Variants in PREP observed in about 807,000 individuals in gnomAD.
The protein encoded by PREP is prolyl endopeptidase.
PREP carries 29 observed loss-of-function variants against 87.6 expected under a neutral mutation model. The observed-to-expected ratio is 0.33, with a 90% CI of 0.25 to 0.45. The LOEUF (loss-of-function observed/expected upper bound fraction) is 0.45, where lower values mean the gene tolerates loss of function less well. Ranked by LOEUF, PREP falls within the 20% of genes least tolerant of loss-of-function variation. The pLI is 1.00. For missense variants in PREP, 695 were observed against 886.5 expected (o/e 0.78, Z 2.74); for synonymous variants, 337 against 328.6 (o/e 1.03, Z -0.28).
chr6:105,313,482 G>T (rs965291605), intron 10 of PREP, among the ~76,000 whole-genome samples: 14 of 152,188 alleles, frequency 9.2e-5, no homozygotes, highest in African/African-American at 3.4e-4. Flanking sequence ...AGCAGGAAAA[G>T]ATTACCCCCA....
intron 6 of PREP, among the ~76,000 whole-genome samples, chr6:105,355,682 T>G (rs771167954): frequency 6.0e-4 from 91 of 152,292 alleles, no homozygotes; most frequent in Non-Finnish European, 9.6e-4. Context: ...ATGTATATAT[T>G]TTTTGTCCTC....
At chr6:105,322,924 T>C (rs1771050212) in intron 10 of PREP, 1 of 1,219,934 alleles carries the variant, frequency 8.2e-7, no homozygotes, top group African/African-American at 1.6e-5. Context: ...TATTCTCATC[T>C]TCCTTCACAA....
In PREP at chr6:105,339,981, C is replaced by T. The variant is rs141277935; in HGVS notation, c.824-6476G>A. 2.0e-4 allele frequency among the ~76,000 whole-genome samples: 30 copies of T among 152,164 alleles called. No homozygotes were observed. In the East Asian group the frequency reaches 5.6e-3, roughly 28 times the overall value. Reference sequence around the variant, plus strand: ...GGAAAACACTCTGCAGGATATTATCCAGGAGAACGCCCCCAGCCTAGCAAG... The same window carrying T: ...GGAAAACACTCTGCAGGATATTATCTAGGAGAACGCCCCCAGCCTAGCAAG... On this transcript the variant is annotated intron_variant, in intron 7 of 14. Transcript: ENST00000652536.
intron 1 of PREP, among the ~76,000 whole-genome samples, chr6:105,402,423 CACACACACACACACACACACACACAA>C (rs1418788504): frequency 6.8e-6 from 1 of 146,302 alleles, no homozygotes. Flanking sequence ...TGACATCACA[CACACACACACACACACACACACACAA>C]ACACACACAC....
chr6:105,285,659 T>G, intron 11 of PREP, 79 bp from the exon 12 acceptor site: 1 of 1,140,274 alleles, frequency 8.8e-7, no homozygotes, highest in South Asian at 1.3e-5. Context: ...CTCAAAAAAG[T>G]GTATGCCCAA....
intron 6 of PREP, among the ~76,000 whole-genome samples, chr6:105,364,476 C>T (rs1344829661): frequency 6.6e-6 from 1 of 152,142 alleles, no homozygotes; most frequent in Non-Finnish European, 1.5e-5. Context: ...TCTCAGTGAA[C>T]TTGGACTGCG....
intron 2 of PREP, among the ~76,000 whole-genome samples, chr6:105,397,141 C>T (rs1055109382): frequency 6.8e-6 from 1 of 146,588 alleles, no homozygotes; most frequent in African/African-American, 2.6e-5. Flanking sequence ...GCCAAGATCG[C>T]ACCAGTGCCC....
At chr6:105,317,592 C>T (rs1454825146) in intron 10 of PREP, among the ~76,000 whole-genome samples, 3 of 152,174 alleles carry the variant, frequency 2.0e-5, no homozygotes, top group African/African-American at 4.8e-5. Flanking sequence ...GACCTGATTA[C>T]CTTTCTGTAG....
chr6:105,313,985 T>C (rs1201442), intron 10 of PREP, among the ~76,000 whole-genome samples: 8,265 of 152,270 alleles, frequency 0.054, 761 homozygotes, highest in African/African-American at 0.18. Flanking sequence ...GCACACCTCA[T>C]AGATACTGTA....
chr6:105,330,086 GTGT>G (rs2114654717), intron 8 of PREP, among the ~76,000 whole-genome samples: 1 of 152,358 alleles, frequency 6.6e-6, no homozygotes, highest in East Asian at 1.9e-4. Context: ...TCAAGAGGAA[GTGT>G]TGTTCAGTTT....
At chr6:105,348,555 G>A (rs11759548) in intron 7 of PREP, among the ~76,000 whole-genome samples, 55,903 of 152,076 alleles carry the variant, frequency 0.37, 14,556 homozygotes, top group African/African-American at 0.75. Context: ...AAGGAGGAGA[G>A]GGGGCAACTC....
intron 4 of PREP, among the ~76,000 whole-genome samples, chr6:105,374,371 G>C (rs1205553021): frequency 6.6e-6 from 1 of 152,064 alleles, no homozygotes; most frequent in Non-Finnish European, 1.5e-5. Context: ...TCTGACACCA[G>C]AGATTTCCTC....
intron 10 of PREP, among the ~76,000 whole-genome samples, chr6:105,307,653 C>T (rs1273834978): frequency 6.6e-6 from 1 of 152,136 alleles, no homozygotes; most frequent in Non-Finnish European, 1.5e-5. Context: ...TGCTCTGTTG[C>T]CCAGGCTGGG....
At chr6:105,362,642 G>C (rs1024814334) in intron 6 of PREP, among the ~76,000 whole-genome samples, 13 of 152,178 alleles carry the variant, frequency 8.5e-5, no homozygotes, top group African/African-American at 3.1e-4. Context: ...CACGTCTCTA[G>C]CTTGGCTTTC....
chr6:105,345,160 CTCAT>C (rs1361442833), intron 7 of PREP, among the ~76,000 whole-genome samples: 2 of 152,170 alleles, frequency 1.3e-5, no homozygotes, highest in Non-Finnish European at 2.9e-5. Context: ...AACAATGGGG[CTCAT>C]TCATTTTTGC....
At chr6:105,326,397 A>C (rs1771160129) in intron 9 of PREP, among the ~76,000 whole-genome samples, 1 of 152,168 alleles carries the variant, frequency 6.6e-6, no homozygotes, top group Non-Finnish European at 1.5e-5. Flanking sequence ...TTTTTTTCCA[A>C]ATGTGACTCA....
chr6:105,352,826 A>T (rs1033017363), intron 7 of PREP, 146 bp downstream of exon 7: 10 of 631,390 alleles, frequency 1.6e-5, no homozygotes, highest in Admixed American at 1.6e-4. Context: ...ATTTTATGGA[A>T]TAGTACTAAA....
At chr6:105,360,469 T>A (rs1772216801) in intron 6 of PREP, among the ~76,000 whole-genome samples, 1 of 152,092 alleles carries the variant, frequency 6.6e-6, no homozygotes. Flanking sequence ...TATCAAAAGG[T>A]AGGACATAAG....
intron 6 of PREP, among the ~76,000 whole-genome samples, chr6:105,360,624 T>C (rs1306572861): frequency 1.3e-5 from 2 of 152,212 alleles, no homozygotes; most frequent in Non-Finnish European, 1.5e-5. Context: ...TTAGAGTATA[T>C]GTATAAAATA....
Sources: gnomAD v4.1 joint callset for allele counts (sites outside exome capture counted in the v4.1 genomes callset) on GRCh38, gnomAD v4.1.1 for gene constraint, MANE v1.5 for transcripts, NCBI Gene and HGNC (gene_info 2026-07-23, HGNC 2026-07-21) for gene names.